ACSL3: variants seen among roughly 807,000 people sequenced by gnomAD.
ACSL3 encodes the protein acyl-CoA synthetase long chain family member 3, also known as fatty acid CoA ligase Acsl3.
Under a neutral mutation model 84.7 loss-of-function variants are expected in ACSL3, and 34 were observed. The ratio of observed to expected loss-of-function variants is 0.40; its 90% CI spans 0.31 to 0.53. The LOEUF (loss-of-function observed/expected upper bound fraction) is 0.53. ACSL3 is among the 20% of genes least tolerant of loss of function. ACSL3 has a pLI of 0.48. For missense variants in ACSL3, 680 were observed against 873.1 expected (o/e 0.78, Z 2.79); for synonymous variants, 315 against 299.4 (o/e 1.05, Z -0.54).
rs1697370723 is a variant in ACSL3, at chr2:222,943,166, CTG to C, written c.*1516_*1517del. 4.4e-6 allele frequency: 1 copy of C among 225,536 alleles called. No individual in the cohort carries two copies. Among genetic ancestry groups the C allele is most frequent in the Admixed American group, 5.7e-5 (1 of 17,480 alleles). 14.0% of individuals were successfully genotyped at this position (225,536 alleles called of 1,614,324 possible). On this transcript the variant is annotated 3_prime_UTR_variant, in exon 17 of 17. Coordinates refer to ENST00000357430, the MANE Select transcript of ACSL3 (RefSeq NM_004457.5). The stretch of plus-strand genomic sequence containing the variant: ...AGGGGAGTGTTAGGAGCAGCCAGGA[CTG>C]TGTAGTGTGTGTTTGGTTGCATCAC...
intron 4 of ACSL3, among the ~76,000 whole-genome samples, chr2:222,909,952 A>G (rs1000324369): frequency 5.3e-5 from 8 of 152,192 alleles, no homozygotes; most frequent in Non-Finnish European, 1.5e-5. Flanking sequence ...CACTACAGCT[A>G]GGGAAGCTGG....
At chr2:222,886,389 C>T (rs1439978381) in intron 1 of ACSL3, among the ~76,000 whole-genome samples, 1 of 152,144 alleles carries the variant, frequency 6.6e-6, no homozygotes, top group East Asian at 1.9e-4. Context: ...CATCCATGTC[C>T]CTGCGAAGGA....
At chr2:222,912,042 A>G (rs1192859753) in intron 4 of ACSL3, among the ~76,000 whole-genome samples, 1 of 152,240 alleles carries the variant, frequency 6.6e-6, no homozygotes, top group South Asian at 2.1e-4. Context: ...TGGTTCATCA[A>G]ACTTTGTTCA....
intron 3 of ACSL3, among the ~76,000 whole-genome samples, chr2:222,902,206 T>C (rs772548973): frequency 1.3e-5 from 2 of 152,186 alleles, no homozygotes; most frequent in African/African-American, 4.8e-5. Context: ...GATAATGTTA[T>C]GTAATTCAAC....
chr2:222,918,120 ATTACT>A lies in ACSL3; in HGVS notation c.632_636del (p.Ile211LysfsTer2). On this transcript the variant is annotated frameshift_variant, in exon 6 of 17. Transcript: ENST00000357430. LOFTEE classifies it high-confidence loss of function. ...AAATGAAACAGAGGTGACCAACATC[ATTACT>A]AGTAAAGAACTCTTACAAACAAAGT... 1.2e-6 allele frequency: 2 copies of A among 1,612,270 alleles called. No homozygotes were observed. The highest frequency in any genetic ancestry group is 1.7e-6 in the Non-Finnish European group (2 of 1,178,872).
intron 1 of ACSL3, among the ~76,000 whole-genome samples, chr2:222,868,246 TA>T (rs1259447145): frequency 6.6e-6 from 1 of 152,170 alleles, no homozygotes; most frequent in Non-Finnish European, 1.5e-5. Context: ...AGCTCAGAGT[TA>T]AGATTGCTTG....
At chr2:222,881,803 C>T (rs1366020718) in intron 1 of ACSL3, among the ~76,000 whole-genome samples, 1 of 152,182 alleles carries the variant, frequency 6.6e-6, no homozygotes, top group Non-Finnish European at 1.5e-5. Context: ...TGCGCCCGGC[C>T]TCACTTTTCT....
chr2:222,885,392 TA>T (rs1372720680), intron 1 of ACSL3, among the ~76,000 whole-genome samples: 2 of 152,178 alleles, frequency 1.3e-5, no homozygotes, highest in African/African-American at 2.4e-5. Context: ...TTTTTTTCAT[TA>T]AAAAAATTTT....
At chr2:222,877,470 C>T (rs1009581133) in intron 1 of ACSL3, among the ~76,000 whole-genome samples, 1 of 152,110 alleles carries the variant, frequency 6.6e-6, no homozygotes, top group Non-Finnish European at 1.5e-5. Flanking sequence ...ATAGCACATT[C>T]GTAGATTTAC....
intron 5 of ACSL3, 198 bp from the exon 6 acceptor site, chr2:222,917,848 G>A (rs541198265): frequency 2.7e-6 from 1 of 373,762 alleles, no homozygotes; most frequent in Admixed American, 4.5e-5. Flanking sequence ...TGGAAATCTT[G>A]GGGCATTTAG....
intron 3 of ACSL3, among the ~76,000 whole-genome samples, chr2:222,901,283 T>C (rs1237959673): frequency 2.0e-5 from 3 of 152,230 alleles, no homozygotes; most frequent in Non-Finnish European, 2.9e-5. Context: ...GCTTGTTAGT[T>C]ATTTCAGTAC....
chr2:222,905,995 T>G (rs1449029819), intron 3 of ACSL3, among the ~76,000 whole-genome samples: 1 of 152,206 alleles, frequency 6.6e-6, no homozygotes, highest in Non-Finnish European at 1.5e-5. Flanking sequence ...TGCTGCCTGC[T>G]TTTCCCTTCT....
At chr2:222,891,178 T>G (rs1356226882) in intron 2 of ACSL3, among the ~76,000 whole-genome samples, 1 of 152,248 alleles carries the variant, frequency 6.6e-6, no homozygotes, top group Non-Finnish European at 1.5e-5. Flanking sequence ...GCTTTCTCAT[T>G]AATCATTTTG....
chr2:222,941,662 C>T lies in ACSL3; in HGVS notation c.*8C>T. The stretch of plus-strand genomic sequence containing the variant: ...ATGTATGGAAGAAAATAATTATTCT[C>T]TTCTGGCATCAGTTTGCTACAGTGA... On this transcript the variant is annotated 3_prime_UTR_variant, in exon 17 of 17. Coordinates refer to ENST00000357430, the MANE Select transcript of ACSL3 (RefSeq NM_004457.5). 1 of 1,608,438 alleles carries T rather than the reference C, an allele frequency of 6.2e-7. No homozygotes were observed. Among genetic ancestry groups the T allele is most frequent in the Non-Finnish European group, 8.5e-7 (1 of 1,177,912 alleles).
chr2:222,880,874 T>C (rs1695576429), intron 1 of ACSL3, among the ~76,000 whole-genome samples: 1 of 152,118 alleles, frequency 6.6e-6, no homozygotes, highest in African/African-American at 2.4e-5. Flanking sequence ...TTTTTATTAT[T>C]TACTTGGTAT....
chr2:222,890,789 G>A (rs557676440), intron 2 of ACSL3, among the ~76,000 whole-genome samples: 6 of 152,056 alleles, frequency 3.9e-5, no homozygotes, highest in Admixed American at 6.5e-5. Context: ...TTACAGGTGC[G>A]TACCACCACA....
At chr2:222,939,577 A>G (rs141217209) in intron 16 of ACSL3, among the ~76,000 whole-genome samples, 2 of 152,270 alleles carry the variant, frequency 1.3e-5, no homozygotes, top group African/African-American at 4.8e-5. Flanking sequence ...AGTTTCTTGC[A>G]CCCCAGAAGT....
rs1159845375 is a variant in ACSL3, at chr2:222,896,908, G to A, written c.-147-3766G>A. Among the ~76,000 whole-genome samples, 21 of 18,092 alleles carry A rather than the reference G, an allele frequency of 1.2e-3. 9 individuals are homozygous for A. Among genetic ancestry groups the A allele is most frequent in the African/African-American group, 9.0e-3 (19 of 2,122 alleles). The allele number at this position is 18,092 out of a possible 152,430, so 11.9% of individuals were successfully genotyped here. ...TCCCCACCTCCCTCCCGGACCGGGC[G>A]GCTGGCCAGGCAGGGGGCTGACCCC... is the stretch of plus-strand genomic sequence containing the variant. On this transcript the variant is annotated intron_variant, in intron 2 of 16. Coordinates refer to ENST00000357430, the MANE Select transcript of ACSL3 (RefSeq NM_004457.5).
At chr2:222,934,400 C>T (rs1431868999) in intron 15 of ACSL3, 130 bp from the exon 16 acceptor site, 5 of 648,218 alleles carry the variant, frequency 7.7e-6, no homozygotes, top group African/African-American at 1.9e-5. Context: ...AATGGATATG[C>T]CAGTGCCAAG....
Sources: allele counts gnomAD v4.1 joint callset (sites outside exome capture counted in the v4.1 genomes callset), GRCh38; gene constraint gnomAD v4.1.1; transcripts MANE v1.5; gene names NCBI Gene and HGNC (gene_info 2026-07-23, HGNC 2026-07-21).